RBMS3: variants seen among roughly 807,000 people sequenced by gnomAD.
RBMS3 encodes the protein RNA binding motif single stranded interacting protein 3.
A neutral mutation model predicts 66.8 loss-of-function variants in RBMS3; 27 were observed. The observed-to-expected ratio is 0.40, with a 90% confidence interval of 0.30 to 0.56. The LOEUF (loss-of-function observed/expected upper bound fraction) is 0.56, where lower values mean the gene tolerates loss of function less well. Among genes scored for constraint, RBMS3 ranks in the 20% least tolerant of loss-of-function variants. RBMS3 has a pLI of 0.40. For synonymous variants in RBMS3, 188 were observed against 183.0 expected, an observed-to-expected ratio of 1.03 and a Z score of -0.22; for missense variants, 513 against 549.5, an observed-to-expected ratio of 0.93 and a Z score of 0.66.
chr3:29,517,327 T>TTG (rs1553614666), intron 3 of RBMS3, among the ~76,000 whole-genome samples: 39 of 119,022 alleles, frequency 3.3e-4, no homozygotes, highest in African/African-American at 1.3e-3. Flanking sequence ...ATATTTTTTT[T>TTG]TTGTTTTTTT....
At chr3:29,727,878 A>G (rs2053951611) in intron 4 of RBMS3, among the ~76,000 whole-genome samples, 1 of 152,212 alleles carries the variant, frequency 6.6e-6, no homozygotes, top group South Asian at 2.1e-4. Flanking sequence ...AAGGATTATT[A>G]ATCATGCTAC....
At chr3:29,359,129 T>C (rs1402703547) in intron 1 of RBMS3, among the ~76,000 whole-genome samples, 1 of 152,190 alleles carries the variant, frequency 6.6e-6, no homozygotes, top group East Asian at 1.9e-4. Flanking sequence ...TGTGCCAGTT[T>C]TCAAAGGGAA....
chr3:29,501,900 A>G (rs2148938127), intron 3 of RBMS3, among the ~76,000 whole-genome samples: 1 of 152,210 alleles, frequency 6.6e-6, no homozygotes, highest in Admixed American at 6.6e-5. Context: ...AGAGCTGTGT[A>G]GTCCTCAGAA....
chr3:29,532,823 T>C (rs1349387241), intron 3 of RBMS3, among the ~76,000 whole-genome samples: 3 of 152,152 alleles, frequency 2.0e-5, no homozygotes, highest in African/African-American at 7.2e-5. Flanking sequence ...TAATGGGAAG[T>C]AATGTAACAC....
chr3:29,284,834 T>C (rs1386674154), intron 1 of RBMS3, among the ~76,000 whole-genome samples: 5 of 150,934 alleles, frequency 3.3e-5, no homozygotes, highest in Non-Finnish European at 7.4e-5. Flanking sequence ...AAGTTGTCAT[T>C]TGTCAATTTT....
At chr3:29,410,056 C>G (rs967247516) in intron 1 of RBMS3, among the ~76,000 whole-genome samples, 1 of 152,094 alleles carries the variant, frequency 6.6e-6, no homozygotes, top group South Asian at 2.1e-4. Flanking sequence ...AACATTTCAA[C>G]ATTCAAATGT....
rs1335440588 is a variant in RBMS3, at chr3:29,450,069, GC to G, written c.248+15156del. 3.9e-5 allele frequency among the ~76,000 whole-genome samples: 6 copies of G among 152,292 alleles called. 1 individual carries two copies. The highest frequency in any genetic ancestry group is 1.2e-4 in the African/African-American group (5 of 41,570). ...GAGGAACCACAGCCCCCAAGCTAGTGCCAAGAAGGAAACAAACTACAGCGGG... is the reference window on the plus strand; with the variant it reads ...GAGGAACCACAGCCCCCAAGCTAGTGCAAGAAGGAAACAAACTACAGCGGG... On this transcript the variant is annotated intron_variant, in intron 2 of 14. Coordinates refer to ENST00000383767, the MANE Select transcript of RBMS3 (RefSeq NM_001003793.3).
intron 1 of RBMS3, among the ~76,000 whole-genome samples, chr3:29,416,991 A>G (rs530981856): frequency 7.0e-4 from 107 of 152,282 alleles, no homozygotes; most frequent in Middle Eastern, 6.8e-3. Flanking sequence ...AAAAGTGCCT[A>G]TCAGCTGTTA....
intron 4 of RBMS3, among the ~76,000 whole-genome samples, chr3:29,705,346 A>T (rs900912120): frequency 6.6e-6 from 1 of 152,214 alleles, no homozygotes; most frequent in African/African-American, 2.4e-5. Flanking sequence ...ACATTATGCA[A>T]ATGAAGTTTA....
At chr3:29,335,380 A>G (rs1486327445) in intron 1 of RBMS3, among the ~76,000 whole-genome samples, 1 of 152,210 alleles carries the variant, frequency 6.6e-6, no homozygotes, top group Admixed American at 6.6e-5. Flanking sequence ...ATAATAAATT[A>G]GCAGAAATTA....
At chr3:29,596,113 C>T (rs1201448777) in intron 4 of RBMS3, among the ~76,000 whole-genome samples, 1 of 152,188 alleles carries the variant, frequency 6.6e-6, no homozygotes, top group Non-Finnish European at 1.5e-5. Context: ...TGGAAGCTTT[C>T]CTGGACCCAA....
At chr3:29,405,996 A>G (rs1214630916) in intron 1 of RBMS3, among the ~76,000 whole-genome samples, 1 of 152,204 alleles carries the variant, frequency 6.6e-6, no homozygotes, top group Non-Finnish European at 1.5e-5. Flanking sequence ...CCTAATTGTT[A>G]CATTTTAAAG....
chr3:29,776,697 T>C (rs1366144320), intron 6 of RBMS3, among the ~76,000 whole-genome samples: 2 of 151,962 alleles, frequency 1.3e-5, no homozygotes, highest in African/African-American at 4.8e-5. Context: ...ACATCCACCT[T>C]CTAGGCTAGA....
rs1343913442 is a variant in RBMS3, at chr3:29,323,094, G to A, written c.75+41338G>A. Among the ~76,000 whole-genome samples the A allele has an allele frequency of 2.6e-5, 4 of 152,140 alleles. No homozygotes were observed. The East Asian group carries it at 7.7e-4, about 29-fold the overall frequency. On this transcript the variant is annotated intron_variant, in intron 1 of 14. Transcript: ENST00000383767. ...GCTGTTAATGTCAAGAGCAAATCAA[G>A]AAGTCAAGAAAGACTGAAGCTCAGA...
At chr3:29,569,140 T>C (rs1057022532) in intron 3 of RBMS3, among the ~76,000 whole-genome samples, 1 of 152,202 alleles carries the variant, frequency 6.6e-6, no homozygotes, top group Non-Finnish European at 1.5e-5. Flanking sequence ...TTTTGATTTC[T>C]GCTTGCAGAG....
chr3:29,968,206 C>CT (rs1156802428), intron 12 of RBMS3, among the ~76,000 whole-genome samples: 2 of 152,048 alleles, frequency 1.3e-5, no homozygotes, highest in Non-Finnish European at 2.9e-5. Flanking sequence ...GGCCTGCCCC[C>CT]GTAACAGTCT....
chr3:29,924,967 TAGGA>T (rs1367988767), intron 10 of RBMS3: 15 of 152,126 alleles, frequency 9.9e-5, no homozygotes, highest in Admixed American at 9.8e-4. Flanking sequence ...CAAGATGACT[TAGGA>T]GTTTCTTTGT....
intron 1 of RBMS3, among the ~76,000 whole-genome samples, chr3:29,371,025 T>C (rs1672283815): frequency 6.6e-6 from 1 of 152,226 alleles, no homozygotes; most frequent in Non-Finnish European, 1.5e-5. Flanking sequence ...GTCATTTTCA[T>C]GATTTTATTT....
chr3:29,539,727 C>G (rs2045691066), intron 3 of RBMS3, among the ~76,000 whole-genome samples: 1 of 152,024 alleles, frequency 6.6e-6, no homozygotes. Flanking sequence ...CTATTTTTCC[C>G]CAGGAGTTAT....
Sources: gnomAD v4.1 joint callset for allele counts (sites outside exome capture counted in the v4.1 genomes callset) on GRCh38, gnomAD v4.1.1 for gene constraint, MANE v1.5 for transcripts, NCBI Gene and HGNC (gene_info 2026-07-23, HGNC 2026-07-21) for gene names.